Variants in PSPC1 observed in about 807,000 individuals in gnomAD.
The protein encoded by PSPC1 is paraspeckle protein 1.
Under a neutral mutation model 51.6 loss-of-function variants are expected in PSPC1, and 14 were observed. That is an observed-to-expected ratio of 0.27 (90% CI 0.18 to 0.42). PSPC1 has a LOEUF of 0.42. PSPC1 is among the 10% of genes least tolerant of loss of function. The pLI, the probability that PSPC1 is intolerant of heterozygous loss-of-function variation, is 1.00. For synonymous variants in PSPC1, 193 were observed against 231.9 expected, an observed-to-expected ratio of 0.83 and a Z score of 1.53; for missense variants, 406 against 701.1, an observed-to-expected ratio of 0.58 and a Z score of 4.75.
chr13:19,755,569 TAA>T (rs1886986795), intron 3 of PSPC1, among the ~76,000 whole-genome samples: 1 of 144,122 alleles, frequency 6.9e-6, no homozygotes, highest in South Asian at 2.2e-4. Context: ...GCCTAGGCAA[TAA>T]GAGAGAAACT....
At chr13:19,723,172 C>T (rs1022301851) in intron 6 of PSPC1, among the ~76,000 whole-genome samples, 1 of 152,018 alleles carries the variant, frequency 6.6e-6, no homozygotes, top group Non-Finnish European at 1.5e-5. Context: ...GGTGAGGAAT[C>T]AGAAGAAACA....
At chr13:19,779,043 A>C (rs1341754504) in intron 1 of PSPC1, among the ~76,000 whole-genome samples, 25 of 127,560 alleles carry the variant, frequency 2.0e-4, no homozygotes, top group African/African-American at 7.4e-4. Flanking sequence ...GGATGTGAGG[A>C]GCGCCTCTGC....
At chr13:19,770,288 G>C (rs1002900459) in intron 2 of PSPC1, among the ~76,000 whole-genome samples, 1 of 152,184 alleles carries the variant, frequency 6.6e-6, no homozygotes, top group African/African-American at 2.4e-5. Flanking sequence ...GGGCACAAGG[G>C]AACTTCTGTG....
intron 2 of PSPC1, among the ~76,000 whole-genome samples, chr13:19,764,372 T>G (rs1887863342): frequency 6.6e-6 from 1 of 152,208 alleles, no homozygotes; most frequent in Non-Finnish European, 1.5e-5. Flanking sequence ...AATAATTTTT[T>G]TAACCATACC....
downstream of PSPC1, among the ~76,000 whole-genome samples, chr13:19,699,205 A>T (rs539206004): frequency 1.0e-3 from 157 of 152,000 alleles, no homozygotes; most frequent in Middle Eastern, 3.4e-3. Context: ...TATTTTTAAA[A>T]TTTTTTTATT....
intron 6 of PSPC1, among the ~76,000 whole-genome samples, chr13:19,688,859 C>A (rs1450298049): frequency 6.6e-6 from 1 of 151,720 alleles, no homozygotes; most frequent in African/African-American, 2.4e-5. Context: ...ATTTTGTTGA[C>A]CAAATACAGT....
intron 7 of PSPC1, among the ~76,000 whole-genome samples, chr13:19,708,203 A>G (rs1460453197): frequency 6.6e-6 from 1 of 152,240 alleles, no homozygotes; most frequent in African/African-American, 2.4e-5. Context: ...AAGAAAAAAA[A>G]GCTGATCATG....
chr13:19,746,843 C>T (rs1055741692), intron 4 of PSPC1, among the ~76,000 whole-genome samples: 1 of 152,118 alleles, frequency 6.6e-6, no homozygotes, highest in African/African-American at 2.4e-5. Flanking sequence ...GGTGTGGTGG[C>T]TCACGCCTGT....
chr13:19,771,684 G>T (rs1318590395), intron 2 of PSPC1, among the ~76,000 whole-genome samples: 1 of 151,518 alleles, frequency 6.6e-6, no homozygotes, highest in Non-Finnish European at 1.5e-5. Context: ...GCAGTGGCAT[G>T]ATCTCGGCTC....
At chr13:19,702,323 G>A (rs1430730723), downstream of PSPC1, among the ~76,000 whole-genome samples, 3 of 152,150 alleles carry the variant, frequency 2.0e-5, no homozygotes, top group East Asian at 1.9e-4. Flanking sequence ...AAATCACACA[G>A]CAAATCCTCA....
Position 19,782,791 on chromosome 13 carries a change from C to T in PSPC1, c.-34G>A. Reference sequence around the variant, plus strand: ...GTTCGCCTCGGACACCGGATACAGGCCTAGATTTATAGACAGTGTGTCTAT... The same window carrying T: ...GTTCGCCTCGGACACCGGATACAGGTCTAGATTTATAGACAGTGTGTCTAT... On this transcript the variant is annotated 5_prime_UTR_variant, in exon 1 of 9. Transcript: ENST00000338910. The surrounding 1 kb of genome is among the most constrained non-coding windows in gnomAD (Gnocchi z 4.5). 6.6e-7 allele frequency: 1 copy of T among 1,508,820 alleles called. No homozygotes were observed. The highest frequency in any genetic ancestry group is 2.5e-5 in the East Asian group (1 of 39,916). 93.5% of individuals were successfully genotyped at this position (1,508,820 alleles called of 1,614,324 possible). A position where few individuals can be genotyped will look rare whatever the true frequency, so the allele number is the denominator to read the frequency against.
Position 19,738,279 on chromosome 13 carries a change from T to G in PSPC1, c.1052+3286A>C, listed in dbSNP as rs9508868. 4.0e-5 allele frequency among the ~76,000 whole-genome samples: 6 copies of G among 151,810 alleles called. No individual in the cohort carries two copies. In the South Asian group the frequency reaches 1.0e-3, roughly 26 times the overall value. ...TTCATCTTTCTCTAATGATGAGAAA[T>G]TTGAGTCTCATTATCCACAATATAC... is the stretch of plus-strand genomic sequence containing the variant. On this transcript the variant is annotated intron_variant, in intron 5 of 8. Transcript: ENST00000338910.
At chr13:19,730,966 A>AAAAAAAAAAAAAAAAAAAAAG (rs1884014184) in intron 5 of PSPC1, among the ~76,000 whole-genome samples, 1 of 25,502 alleles carries the variant, frequency 3.9e-5, no homozygotes, top group Non-Finnish European at 1.4e-4. Context: ...ACAAAAAAAC[A>AAAAAAAAAAAAAAAAAAAAAG]AAAAAAAAAA....
rs1886836591 is a variant in PSPC1, at chr13:19,754,132, T to G, written c.771-2665A>C. 2.0e-5 allele frequency among the ~76,000 whole-genome samples: 3 copies of G among 152,146 alleles called. No homozygotes were observed. In the South Asian group the frequency reaches 6.2e-4, roughly 32 times the overall value. On this transcript the variant is annotated intron_variant, in intron 3 of 8. Coordinates refer to ENST00000338910, the MANE Select transcript of PSPC1 (RefSeq NM_001354909.2). The stretch of plus-strand genomic sequence containing the variant: ...ACAGTTTCATTCTTGTAGCCCAGGC[T>G]GGAATGCAATGGCGCCATCTTGGCT...
chr13:19,716,793 T>C (rs1231625090), intron 6 of PSPC1, among the ~76,000 whole-genome samples: 1 of 152,230 alleles, frequency 6.6e-6, no homozygotes, highest in Non-Finnish European at 1.5e-5. Flanking sequence ...GAAAATATTT[T>C]AGTGTGAGCA....
At chr13:19,705,493 C>CA (rs397797926) in intron 8 of PSPC1, among the ~76,000 whole-genome samples, 169 bp downstream of exon 8, 16,830 of 128,684 alleles carry the variant, frequency 0.13, 1,116 homozygotes, top group African/African-American at 0.21. Flanking sequence ...CTCTCTGTCT[C>CA]AAAAAAAAAA....
At chr13:19,679,433 T>C (rs909669030) in intron 6 of PSPC1, among the ~76,000 whole-genome samples, 3 of 152,030 alleles carry the variant, frequency 2.0e-5, no homozygotes, top group Non-Finnish European at 2.9e-5. Flanking sequence ...GATGTGGAGG[T>C]TGAAGTGAGC....
At chr13:19,673,713 C>T (rs1435002995), downstream of PSPC1, among the ~76,000 whole-genome samples, 1 of 152,158 alleles carries the variant, frequency 6.6e-6, no homozygotes, top group Admixed American at 6.6e-5. Flanking sequence ...TGCTGTTTAT[C>T]AGGAAGGCGG....
intron 2 of PSPC1, among the ~76,000 whole-genome samples, chr13:19,763,841 T>C (rs898679416): frequency 1.3e-5 from 2 of 151,890 alleles, no homozygotes; most frequent in African/African-American, 4.8e-5. Flanking sequence ...TCTCTACTAA[T>C]ACAAAAAATT....
Sources: allele counts gnomAD v4.1 joint callset (sites outside exome capture counted in the v4.1 genomes callset), GRCh38; gene constraint gnomAD v4.1.1; non-coding constraint Gnocchi (gnomAD v3.1); transcripts MANE v1.5; gene names NCBI Gene and HGNC (gene_info 2026-07-23, HGNC 2026-07-21).